HERC2: variants seen among roughly 807,000 people sequenced by gnomAD.
HERC2 encodes E3 ubiquitin-protein ligase HERC2.
HERC2 carries 102 observed loss-of-function variants against 537.7 expected under a neutral mutation model. The ratio of observed to expected loss-of-function variants is 0.19; its 90% CI spans 0.16 to 0.22. HERC2 has a LOEUF of 0.22. Among genes scored for constraint, HERC2 ranks in the 10% least tolerant of loss-of-function variants. The pLI is 1.00. For synonymous variants in HERC2, 2,224 were observed against 2,466.2 expected, an observed-to-expected ratio of 0.90 and a Z score of 2.91; for missense variants, 4,236 against 6,198.2, an observed-to-expected ratio of 0.68 and a Z score of 10.63.
intron 44 of HERC2, among the ~76,000 whole-genome samples, chr15:28,210,649 G>T (rs1373683208): frequency 6.6e-6 from 1 of 151,684 alleles, no homozygotes; most frequent in Non-Finnish European, 1.5e-5. Flanking sequence ...ACCAGCTTAG[G>T]TTCTACTTGT....
intron 69 of HERC2, among the ~76,000 whole-genome samples, chr15:28,161,676 A>G (rs1283499702): frequency 6.6e-6 from 1 of 152,244 alleles, no homozygotes. Flanking sequence ...TGCAGTGGCC[A>G]TATGTGGCTG....
rs1887679043 is a variant in HERC2 at position 28,111,836 on chromosome 15, C to T, written c.14432G>A (p.Ser4811Asn). ...LTGEPAADDS[S>N]DDSDNEDVDS... ...GACATCCTCGTTATCTGAATCGTCG[C>T]TGCTGTCGTCGGCGGCTGGCTCTCC... The change falls in exon 93 of 93, where the codon AGC (serine) becomes AAC (asparagine). Residue 4811 changes from serine to asparagine, a missense_variant. Coordinates refer to ENST00000261609, the MANE Select transcript of HERC2 (RefSeq NM_004667.6). The T allele has an allele frequency of 1.2e-6, 2 of 1,614,096 alleles. No individual in the cohort carries two copies. The highest frequency in any genetic ancestry group is 1.6e-4 in the Middle Eastern group (1 of 6,084).
At chr15:28,278,833 C>T (rs2075948134) in intron 5 of HERC2, among the ~76,000 whole-genome samples, 1 of 152,112 alleles carries the variant, frequency 6.6e-6, no homozygotes, top group African/African-American at 2.4e-5. Context: ...TTTCATCTGG[C>T]AGTCTTGTAG....
intron 45 of HERC2, among the ~76,000 whole-genome samples, chr15:28,204,263 A>G (rs1898171001): frequency 1.3e-5 from 2 of 152,240 alleles, no homozygotes; most frequent in African/African-American, 4.8e-5. Context: ...AGGTGGGCAG[A>G]TGTTAGAATT....
intron 14 of HERC2, 128 bp from the exon 15 acceptor site, chr15:28,263,297 A>G (rs1473617728): frequency 1.0e-6 from 1 of 998,756 alleles, no homozygotes; most frequent in Non-Finnish European, 1.5e-6. Context: ...TTAACACTAC[A>G]AGGGTGGCTA....
rs140970725 is a variant in HERC2, at chr15:28,132,779, G to A, written c.12282C>T (p.Val4094=). The change falls in exon 80 of 93, where the codon GTC becomes GTT. Residue 4094 remains valine, a synonymous_variant. Transcript: ENST00000261609. ...VIESLRGIEV[V]DVAAGGAHSA... ...TGTGGGCTCCGCCAGCAGCAACATC[G>A]ACCACTTCAATTCCTCTCAGAGACT... The A allele has an allele frequency of 3.5e-4, 569 of 1,605,310 alleles. No homozygotes were observed. Among genetic ancestry groups the A allele is most frequent in the South Asian group, 1.6e-3 (141 of 89,672 alleles).
In HERC2 at chr15:28,130,177, C is replaced by T; in HGVS notation, c.12788G>A (p.Cys4263Tyr). Residue 4263 changes from cysteine (C) to tyrosine (Y), a missense_variant, in exon 83 of 93, where the codon TGC becomes TAC. Cys to Tyr is a radical substitution (Grantham distance 194, BLOSUM62 -2). Around this residue, in one of 27 missense-constraint regions of HERC2, gnomAD observed 189 missense variants for 255.7 expected, o/e 0.74. Coordinates refer to ENST00000261609, the MANE Select transcript of HERC2 (RefSeq NM_004667.6). ...AIATGSLHCVCCTEDGEVYTW... is the reference protein window; with the variant it reads ...AIATGSLHCVYCTEDGEVYTW... Reference sequence around the variant, plus strand: ...CCCCTACCTACCATCCTCTGTGCAGCACACACAGTGCAGGGAGCCAGTGGC... The same window carrying T: ...CCCCTACCTACCATCCTCTGTGCAGTACACACAGTGCAGGGAGCCAGTGGC... 6.2e-7 allele frequency: 1 copy of T among 1,614,186 alleles called. No individual in the cohort carries two copies. Among genetic ancestry groups the T allele is most frequent in the Non-Finnish European group, 8.5e-7 (1 of 1,180,030 alleles).
rs762647696 is a variant in HERC2 at position 28,191,991 on chromosome 15, G to T, written c.8421C>A (p.Pro2807=). ...QASRLIDGSE[P]CWQSSGSQGK... is the part of the protein sequence containing the mutation. ...CTTGCGACCCCGATGACTGCCAGCA[G>T]GGCTCGCTGCCGTCAATGAGACGGG... is the stretch of plus-strand genomic sequence containing the variant. The change falls in exon 53 of 93, where the codon CCC becomes CCA. Residue 2807 remains proline, a synonymous_variant. Coordinates refer to ENST00000261609, the MANE Select transcript of HERC2 (RefSeq NM_004667.6). The T allele has an allele frequency of 6.2e-7, 1 of 1,613,848 alleles. No individual in the cohort carries two copies. Among genetic ancestry groups the T allele is most frequent in the Non-Finnish European group, 8.5e-7 (1 of 1,180,016 alleles).
intron 2 of HERC2, among the ~76,000 whole-genome samples, chr15:28,310,279 CTACCAAAAA>C (rs1447982824): frequency 6.6e-6 from 1 of 152,120 alleles, no homozygotes; most frequent in Non-Finnish European, 1.5e-5. Context: ...AACCACATTT[CTACCAAAAA>C]TACAAAAAAT....
rs906785538 is a variant in HERC2, at chr15:28,122,386, C to T, written c.13189-957G>A. 2.0e-5 allele frequency among the ~76,000 whole-genome samples: 3 copies of T among 152,172 alleles called. No homozygotes were observed. Among genetic ancestry groups the T allele is most frequent in the African/African-American group, 7.2e-5 (3 of 41,452 alleles). The stretch of plus-strand genomic sequence containing the variant: ...CGGTTAGGGGTGGGCTGTGGGAGCA[C>T]AAGGGTCCCTCAGTGGAGGCTGAGC... On this transcript the variant is annotated intron_variant, in intron 85 of 92. Coordinates refer to ENST00000261609, the MANE Select transcript of HERC2 (RefSeq NM_004667.6). This position sits in a 1 kb window ranked among gnomAD's most constrained non-coding sequence, Gnocchi z 4.1.
At chr15:28,112,147 ACAG>A in intron 92 of HERC2, 112 bp from the exon 93 acceptor site, 1 of 997,170 alleles carries the variant, frequency 1.0e-6, no homozygotes, top group South Asian at 1.6e-5. Flanking sequence ...TAAGAACAAA[ACAG>A]CAGAAAACAT....
At chr15:28,285,990 T>C (rs2076148442) in intron 4 of HERC2, among the ~76,000 whole-genome samples, 2 of 151,946 alleles carry the variant, frequency 1.3e-5, no homozygotes, top group African/African-American at 4.8e-5. Flanking sequence ...AATAGATCAT[T>C]TGAATAGCCC....
chr15:28,285,608 T>A (rs1399787074), intron 4 of HERC2, among the ~76,000 whole-genome samples: 1 of 149,496 alleles, frequency 6.7e-6, no homozygotes, highest in Non-Finnish European at 1.5e-5. Flanking sequence ...AACAAATCAA[T>A]AATATAAGTG....
chr15:28,225,828 A>C (rs1901089795), intron 35 of HERC2, among the ~76,000 whole-genome samples: 1 of 152,186 alleles, frequency 6.6e-6, no homozygotes, highest in African/African-American at 2.4e-5. Context: ...ACTGTATGCC[A>C]ACAAATAAAA....
At chr15:28,149,067 G>A (rs571736431) in intron 70 of HERC2, among the ~76,000 whole-genome samples, 10 of 148,338 alleles carry the variant, frequency 6.7e-5, no homozygotes, top group African/African-American at 2.2e-4. Flanking sequence ...AAAAACAAAC[G>A]AGACTCCTAA....
At position 28,173,326 on chromosome 15, in the gene HERC2, T is replaced by C. The variant is rs149743423; in HGVS notation, c.10057+1069A>G. Among the ~76,000 whole-genome samples, 28 of 152,282 alleles carry C rather than the reference T, an allele frequency of 1.8e-4. No individual in the cohort carries two copies. In the East Asian group the frequency reaches 5.4e-3, roughly 29 times the overall value. ...CAACTGGAAACAGCCCAAACATTCA[T>C]CAACAGATAAATGGATAAACAAATT... On this transcript the variant is annotated intron_variant, in intron 65 of 92. Transcript: ENST00000261609.
At chr15:28,227,836 CA>C (rs1292562099) in intron 35 of HERC2, among the ~76,000 whole-genome samples, 1 of 151,820 alleles carries the variant, frequency 6.6e-6, no homozygotes, top group Admixed American at 6.6e-5. Context: ...TGATATATAC[CA>C]AATGAAATAA....
chr15:28,214,635 G>C lies in HERC2; in HGVS notation c.6358+20C>G. ...GCGCCGCTCTTCACCAGGGCACAGG[G>C]AAGGTAGACGGCCACCCACCTCTGA... is the stretch of plus-strand genomic sequence containing the variant. On this transcript the variant is annotated intron_variant, in intron 40 of 92. Transcript: ENST00000261609. 1.2e-6 allele frequency: 2 copies of C among 1,610,474 alleles called. No individual in the cohort carries two copies. Among genetic ancestry groups the C allele is most frequent in the Non-Finnish European group, 1.7e-6 (2 of 1,179,646 alleles).
chr15:28,307,683 T>C (rs1210089309), intron 2 of HERC2, among the ~76,000 whole-genome samples: 1 of 152,250 alleles, frequency 6.6e-6, no homozygotes, highest in Non-Finnish European at 1.5e-5. Flanking sequence ...TTTTTAGTTA[T>C]AGTCCATGTG....
Sources: allele counts gnomAD v4.1 joint callset (sites outside exome capture counted in the v4.1 genomes callset), GRCh38; gene constraint gnomAD v4.1.1; regional missense constraint gnomAD v4.1.1; non-coding constraint Gnocchi (gnomAD v3.1); transcripts MANE v1.5; gene names NCBI Gene and HGNC (gene_info 2026-07-23, HGNC 2026-07-21).